Variants in ZC3H12B observed in about 807,000 individuals in gnomAD.
The protein encoded by ZC3H12B is probable ribonuclease ZC3H12B.
Under a neutral mutation model 43.9 loss-of-function variants are expected in ZC3H12B, and 7 were observed. The observed-to-expected ratio is 0.16, with a 90% CI of 0.09 to 0.30. The LOEUF (loss-of-function observed/expected upper bound fraction) is 0.30, where lower values mean the gene tolerates loss of function less well. ZC3H12B is among the 10% of genes least tolerant of loss of function. The probability of loss-of-function intolerance (pLI) is 1.00; values close to 1 mark genes in which losing one functional copy is unlikely to be tolerated. For missense variants in ZC3H12B, 475 were observed against 670.2 expected, an observed-to-expected ratio of 0.71 and a Z score of 3.22; for synonymous variants, 222 against 241.7, an observed-to-expected ratio of 0.92 and a Z score of 0.76.
At chrX:65,260,147 C>A in the ZC3H12B span, among the ~76,000 whole-genome samples, 4 of 108,631 alleles carry the variant, frequency 3.7e-5, no homozygotes, top group African/African-American at 1.3e-4. Flanking sequence ...ATGGGTGCAC[C>A]AAAATCTCAG....
the ZC3H12B span, among the ~76,000 whole-genome samples, chrX:65,360,323 G>T: frequency 8.9e-6 from 1 of 112,105 alleles, no homozygotes; most frequent in Non-Finnish European, 1.9e-5. Flanking sequence ...TATGTTATAT[G>T]AATTAAACTT....
At chrX:65,201,951 C>T in the ZC3H12B span, among the ~76,000 whole-genome samples, 1 of 102,664 alleles carries the variant, frequency 9.7e-6, no homozygotes, top group Non-Finnish European at 2.0e-5. Context: ...TGAAGAGGTG[C>T]CTTCCACCAT....
intron 2 of ZC3H12B, among the ~76,000 whole-genome samples, chrX:65,393,958 G>T (rs185138996): frequency 8.9e-6 from 1 of 112,475 alleles, no homozygotes; most frequent in East Asian, 2.8e-4. Flanking sequence ...CAGTGATGAT[G>T]AGCTTTTTTT....
chrX:65,182,900 A>G, the ZC3H12B span, among the ~76,000 whole-genome samples: 1 of 112,361 alleles, frequency 8.9e-6, no homozygotes, highest in East Asian at 2.8e-4. Flanking sequence ...CAGAATGGCT[A>G]TTATTAAGAA....
chrX:65,157,409 T>C, the ZC3H12B span, among the ~76,000 whole-genome samples: 1 of 112,413 alleles, frequency 8.9e-6, no homozygotes, highest in Non-Finnish European at 1.9e-5. Context: ...ACATATAGAA[T>C]TGTTGTGTCT....
the ZC3H12B span, among the ~76,000 whole-genome samples, chrX:65,328,794 C>T: frequency 1.0e-5 from 1 of 99,080 alleles, no homozygotes; most frequent in South Asian, 5.1e-4. Flanking sequence ...TGAGAAAATG[C>T]GGTGTTTGGT....
intron 1 of ZC3H12B, among the ~76,000 whole-genome samples, 183 bp downstream of exon 6, chrX:65,489,592 AATTT>A (rs1233387497): frequency 1.8e-5 from 2 of 111,606 alleles, no homozygotes; most frequent in African/African-American, 3.3e-5. Context: ...AGTTGCTGCC[AATTT>A]GTTTTCAGGT....
At chrX:65,220,171 A>T in the ZC3H12B span, among the ~76,000 whole-genome samples, 1 of 111,799 alleles carries the variant, frequency 8.9e-6, no homozygotes, top group African/African-American at 3.2e-5. Context: ...CACCATTATG[A>T]AGCCAGCACT....
the ZC3H12B span, among the ~76,000 whole-genome samples, chrX:65,102,006 C>T: frequency 1.9e-3 from 218 of 111,815 alleles, 1 homozygote; most frequent in South Asian, 9.3e-3. Context: ...GCAAACCGAA[C>T]GCAGCAGCAC....
the ZC3H12B span, among the ~76,000 whole-genome samples, chrX:65,155,590 T>C: frequency 8.9e-5 from 10 of 111,985 alleles, no homozygotes; most frequent in Admixed American, 2.8e-4. Context: ...TGATGGCTTA[T>C]GCCTGTAATC....
the ZC3H12B span, among the ~76,000 whole-genome samples, chrX:65,244,355 C>T: frequency 9.1e-6 from 1 of 110,464 alleles, no homozygotes; most frequent in African/African-American, 3.3e-5. Flanking sequence ...GTGAGAATTA[C>T]CGAAACATAA....
chrX:65,169,714 G>A, the ZC3H12B span, among the ~76,000 whole-genome samples: 1 of 111,968 alleles, frequency 8.9e-6, no homozygotes, highest in Non-Finnish European at 1.9e-5. Context: ...GAATCTGGGT[G>A]TTCCTGTATT....
At chrX:65,406,747 G>A in intron 3 of ZC3H12B, among the ~76,000 whole-genome samples, 1 of 112,242 alleles carries the variant, frequency 8.9e-6, no homozygotes, top group Non-Finnish European at 1.9e-5. Context: ...AGGAGCAGCA[G>A]CAGCAGAAGC....
At chrX:65,412,422 C>T (rs2066914670) in intron 3 of ZC3H12B, among the ~76,000 whole-genome samples, 1 of 111,768 alleles carries the variant, frequency 8.9e-6, no homozygotes, top group African/African-American at 3.3e-5. Flanking sequence ...AATAATGCTG[C>T]AATGATCATG....
the ZC3H12B span, among the ~76,000 whole-genome samples, chrX:65,097,502 G>T: frequency 1.8e-5 from 2 of 111,216 alleles, no homozygotes; most frequent in African/African-American, 6.5e-5. Flanking sequence ...CAGTGTTCAG[G>T]TATCTCTTCT....
the ZC3H12B span, among the ~76,000 whole-genome samples, chrX:65,127,058 G>A: frequency 9.0e-6 from 1 of 110,517 alleles, no homozygotes; most frequent in Non-Finnish European, 1.9e-5. Flanking sequence ...TGATCTTTTG[G>A]GGATGTTAAA....
chrX:65,374,779 C>A (rs1353589294), intron 2 of ZC3H12B, among the ~76,000 whole-genome samples: 5 of 111,097 alleles, frequency 4.5e-5, no homozygotes. Flanking sequence ...GAACGGGAAG[C>A]AATCATGTCC....
the ZC3H12B span, among the ~76,000 whole-genome samples, chrX:65,110,390 CTT>C: frequency 1.6e-4 from 15 of 96,280 alleles, no homozygotes; most frequent in Admixed American, 3.4e-4. Context: ...TTTTCTTCTG[CTT>C]TTTTTTTTTT....
At chrX:65,154,948 C>T in the ZC3H12B span, among the ~76,000 whole-genome samples, 2 of 109,798 alleles carry the variant, frequency 1.8e-5, no homozygotes, top group African/African-American at 6.6e-5. Flanking sequence ...AAGTTCCCTT[C>T]TATTTCTAGT....
Sources: allele counts gnomAD v4.1 joint callset (sites outside exome capture counted in the v4.1 genomes callset), GRCh38; gene constraint gnomAD v4.1.1; transcripts MANE v1.5; gene names NCBI Gene and HGNC (gene_info 2026-07-23, HGNC 2026-07-21).